The following FSTL4 variants were observed in gnomAD, a reference collection of about 807,000 sequenced individuals.
The protein encoded by FSTL4 is follistatin-related protein 4.
In FSTL4, 28 loss-of-function variants were observed where a neutral mutation model predicts 78.2. The ratio of observed to expected loss-of-function variants is 0.36; its 90% confidence interval spans 0.27 to 0.49. The LOEUF (loss-of-function observed/expected upper bound fraction) is 0.49. Ranked by LOEUF, FSTL4 falls within the 20% of genes least tolerant of loss-of-function variation. The pLI is 0.98. For synonymous variants in FSTL4, 422 were observed against 440.5 expected (o/e 0.96, Z 0.53); for missense variants, 922 against 1,084.9 (o/e 0.85, Z 2.11).
chr5:133,730,221 G>A, the FSTL4 span, among the ~76,000 whole-genome samples: 2 of 152,186 alleles, frequency 1.3e-5, no homozygotes, highest in African/African-American at 2.4e-5. Context: ...TATCTCTAGG[G>A]CAGTGGCCAG....
intron 4 of FSTL4, among the ~76,000 whole-genome samples, chr5:133,333,471 C>T (rs931249780): frequency 5.3e-5 from 8 of 152,322 alleles, no homozygotes; most frequent in Admixed American, 3.9e-4. Context: ...ACAAGGACCA[C>T]GTTGAAACCC....
chr5:133,498,783 C>T (rs1157044076), intron 3 of FSTL4, among the ~76,000 whole-genome samples: 1 of 151,952 alleles, frequency 6.6e-6, no homozygotes, highest in African/African-American at 2.4e-5. Context: ...TTTCAGTTCT[C>T]ATAAGTGACC....
chr5:133,620,406 G>C, the FSTL4 span, among the ~76,000 whole-genome samples: 1 of 152,080 alleles, frequency 6.6e-6, no homozygotes, highest in Admixed American at 6.5e-5. Context: ...CACTGTTTTT[G>C]AAGTATGAAA....
At chr5:133,650,621 C>T in the FSTL4 span, among the ~76,000 whole-genome samples, 2 of 152,150 alleles carry the variant, frequency 1.3e-5, no homozygotes, top group African/African-American at 4.8e-5. Flanking sequence ...TTTCTTGGCT[C>T]TTCATTCTGT....
chr5:133,627,151 CTTT>C, the FSTL4 span, among the ~76,000 whole-genome samples: 22 of 92,994 alleles, frequency 2.4e-4, no homozygotes, highest in East Asian at 1.5e-3. Context: ...CTCTGTGTCT[CTTT>C]TTTTTTTTTT....
the FSTL4 span, among the ~76,000 whole-genome samples, chr5:133,641,872 T>G: frequency 6.6e-6 from 1 of 151,970 alleles, no homozygotes; most frequent in Non-Finnish European, 1.5e-5. Flanking sequence ...CTTTCTTTCT[T>G]CTTCTTCTCC....
At chr5:133,304,109 C>A (rs1353031963) in intron 6 of FSTL4, among the ~76,000 whole-genome samples, 11 of 152,200 alleles carry the variant, frequency 7.2e-5, no homozygotes, top group Non-Finnish European at 1.6e-4. Context: ...GCTGAGAAAT[C>A]GGGAATGTGA....
Position 133,236,634 on chromosome 5 carries a change from C to T in FSTL4, c.895-3097G>A, listed in dbSNP as rs1172569226. ...ACTCTGCCCTGAGCCAGCCACATCA[C>T]GCCCCTCATACTCAGAGCCTTGTTT... is the stretch of plus-strand genomic sequence containing the variant. On this transcript the variant is annotated intron_variant, in intron 7 of 15. Coordinates refer to ENST00000265342, the MANE Select transcript of FSTL4 (RefSeq NM_015082.2). The surrounding 1 kb of genome is among the most constrained non-coding windows in gnomAD (Gnocchi z 5.0). 2.0e-5 allele frequency among the ~76,000 whole-genome samples: 3 copies of T among 152,210 alleles called. No individual in the cohort carries two copies. Among genetic ancestry groups the T allele is most frequent in the South Asian group, 2.1e-4 (1 of 4,838 alleles).
chr5:133,576,615 T>G (rs540772201), intron 2 of FSTL4, among the ~76,000 whole-genome samples: 59 of 152,248 alleles, frequency 3.9e-4, no homozygotes, highest in African/African-American at 1.3e-3. Context: ...GCCAGTGTCC[T>G]GAAGATGGGC....
chr5:133,617,346 T>G (rs140941081), upstream of FSTL4, among the ~76,000 whole-genome samples: 750 of 143,324 alleles, frequency 5.2e-3, 8 homozygotes, highest in African/African-American at 0.018. Flanking sequence ...CACCAAATGA[T>G]AGCGAGAAAC....
chr5:133,657,820 C>T, the FSTL4 span, among the ~76,000 whole-genome samples: 1 of 140,736 alleles, frequency 7.1e-6, no homozygotes, highest in Non-Finnish European at 1.5e-5. Context: ...TTTTCTAAAA[C>T]AGATGTATAG....
intron 3 of FSTL4, among the ~76,000 whole-genome samples, chr5:133,456,796 C>T (rs545152983): frequency 2.6e-5 from 4 of 152,298 alleles, no homozygotes; most frequent in South Asian, 2.1e-4. Flanking sequence ...AGCATAGGAA[C>T]GAGCCCCCAA....
At chr5:133,564,264 G>A (rs1344302445) in intron 3 of FSTL4, among the ~76,000 whole-genome samples, 1 of 152,096 alleles carries the variant, frequency 6.6e-6, no homozygotes, top group Non-Finnish European at 1.5e-5. Context: ...CCATTCACAG[G>A]TTCTGGTTTA....
At chr5:133,428,393 C>G (rs755889130) in intron 3 of FSTL4, among the ~76,000 whole-genome samples, 3 of 152,232 alleles carry the variant, frequency 2.0e-5, no homozygotes, top group Non-Finnish European at 4.4e-5. Flanking sequence ...CCACCTCCAA[C>G]TGGACCATGG....
intron 2 of FSTL4, among the ~76,000 whole-genome samples, chr5:133,588,064 G>A (rs1760545883): frequency 1.4e-5 from 1 of 71,228 alleles, no homozygotes. Context: ...AATGGTGCTG[G>A]GAAAACTGGC....
intron 3 of FSTL4, among the ~76,000 whole-genome samples, chr5:133,552,379 A>T (rs138969618): frequency 6.6e-6 from 1 of 152,134 alleles, no homozygotes; most frequent in Non-Finnish European, 1.5e-5. Flanking sequence ...AGTGGTGAGG[A>T]CTGTGGAAAA....
At chr5:133,482,724 C>T (rs1002911710) in intron 3 of FSTL4, among the ~76,000 whole-genome samples, 10 of 152,096 alleles carry the variant, frequency 6.6e-5, no homozygotes, top group African/African-American at 9.7e-5. Context: ...TTGGTATGCA[C>T]GAGAGTGGGG....
chr5:133,569,318 C>T (rs823995), intron 2 of FSTL4, among the ~76,000 whole-genome samples: 3 of 152,068 alleles, frequency 2.0e-5, no homozygotes, highest in African/African-American at 7.2e-5. Flanking sequence ...GTTCATACTG[C>T]GCACCCTTGT....
At chr5:133,805,501 T>C in the FSTL4 span, among the ~76,000 whole-genome samples, 1 of 152,026 alleles carries the variant, frequency 6.6e-6, no homozygotes, top group Non-Finnish European at 1.5e-5. Flanking sequence ...GTATCCAGAG[T>C]GGTGAGAGGA....
Sources: allele counts gnomAD v4.1 joint callset (sites outside exome capture counted in the v4.1 genomes callset), GRCh38; gene constraint gnomAD v4.1.1; non-coding constraint Gnocchi (gnomAD v3.1); transcripts MANE v1.5; gene names NCBI Gene and HGNC (gene_info 2026-07-23, HGNC 2026-07-21).